The following NRXN3 variants were observed in gnomAD, a reference collection of about 807,000 sequenced individuals.
NRXN3 encodes the protein neurexin III.
NRXN3 carries 32 observed loss-of-function variants against 137.6 expected under a neutral mutation model. The ratio of observed to expected loss-of-function variants is 0.23; its 90% CI spans 0.18 to 0.31. The LOEUF is 0.31. NRXN3 is among the 10% of genes least tolerant of loss of function. The pLI, the probability that NRXN3 is intolerant of heterozygous loss-of-function variation, is 1.00. For missense variants in NRXN3, 1,574 were observed against 2,062.5 expected (o/e 0.76, Z 4.59); for synonymous variants, 798 against 784.5 (o/e 1.02, Z -0.29).
chr14:79,693,173 C>A lies in NRXN3; in HGVS notation c.3706+911C>A, dbSNP rs181959069. Among the ~76,000 whole-genome samples the A allele has an allele frequency of 1.6e-3, 237 of 151,986 alleles. 1 individual carries two copies. Among genetic ancestry groups the A allele is most frequent in the African/African-American group, 5.4e-3 (225 of 41,502 alleles). The stretch of plus-strand genomic sequence containing the variant: ...AACAGTCTCTAAGAAGATACGTATT[C>A]TTTGTTGTTGTTGTTGTTGAGCCAG... On this transcript the variant is annotated intron_variant, in intron 18 of 20. Coordinates refer to ENST00000335750, the MANE Select transcript of NRXN3 (RefSeq NM_001330195.2).
intron 15 of NRXN3, among the ~76,000 whole-genome samples, chr14:79,275,076 G>A (rs1221004855): frequency 6.6e-6 from 1 of 152,104 alleles, no homozygotes; most frequent in East Asian, 1.9e-4. Flanking sequence ...ATAAGCAGAA[G>A]GATGAATTAT....
chr14:78,233,688 C>CAAAAAAAAA (rs10673907), intron 1 of NRXN3, among the ~76,000 whole-genome samples: 3 of 117,622 alleles, frequency 2.6e-5, no homozygotes, highest in African/African-American at 6.3e-5. Context: ...AAGTATGCTT[C>CAAAAAAAAA]AAAAAAAAAA....
chr14:79,314,840 C>T (rs987055306), intron 15 of NRXN3, among the ~76,000 whole-genome samples: 1 of 149,852 alleles, frequency 6.7e-6, no homozygotes, highest in Non-Finnish European at 1.5e-5. Flanking sequence ...TCCAACAGAC[C>T]TGCAGCTGAG....
chr14:79,861,575 C>T lies in NRXN3; in HGVS notation c.4327C>T (p.Leu1443Phe). The T allele has an allele frequency of 6.2e-7, 1 of 1,601,760 alleles. No homozygotes were observed. Among genetic ancestry groups the T allele is most frequent in the Non-Finnish European group, 8.5e-7 (1 of 1,174,542 alleles). The change falls in exon 21 of 21, where the codon CTT (leucine) becomes TTT (phenylalanine). Residue 1443 changes from leucine to phenylalanine, a missense_variant. By Grantham distance (22) the Leu-to-Phe change is conservative (BLOSUM62 0). This residue lies in a region of NRXN3 where 320 missense variants were observed against 387.1 expected (regional missense o/e 0.83). Coordinates refer to ENST00000335750, the MANE Select transcript of NRXN3 (RefSeq NM_001330195.2). The surrounding 1 kb of genome is among the most constrained non-coding windows in gnomAD (Gnocchi z 5.4). Reference sequence around the variant, plus strand: ...CAAACCCCAGCCTGATATAGTCTTGCTTCCGTTGCCCACTGCCTATGAGCT... The same window carrying T: ...CAAACCCCAGCCTGATATAGTCTTGTTTCCGTTGCCCACTGCCTATGAGCT... ...DLKPQPDIVL[L>F]PLPTAYELDS...
chr14:79,026,207 T>C (rs1017273617), intron 15 of NRXN3, among the ~76,000 whole-genome samples: 1 of 152,170 alleles, frequency 6.6e-6, no homozygotes, highest in African/African-American at 2.4e-5. Flanking sequence ...ATTCATATAA[T>C]GCTCCATTCT....
rs1022862289 is a variant in NRXN3, at chr14:79,868,243, C to T, written c.*6279C>T. On this transcript the variant is annotated 3_prime_UTR_variant, in exon 21 of 21. Transcript: ENST00000335750. ...TCAAAATTAGCTGCTATATGCATGA[C>T]TAACCAGGACCAAAAAGTTAATAAA... 1 of 152,208 alleles carries T rather than the reference C, an allele frequency of 6.6e-6. No individual in the cohort carries two copies. Among genetic ancestry groups the T allele is most frequent in the Non-Finnish European group, 1.5e-5 (1 of 68,032 alleles). The allele number at this position is 152,208 out of a possible 1,614,324, so 9.4% of individuals were successfully genotyped here.
intron 19 of NRXN3, among the ~76,000 whole-genome samples, chr14:79,768,277 C>T (rs1248958492): frequency 1.3e-5 from 2 of 152,240 alleles, no homozygotes; most frequent in Non-Finnish European, 2.9e-5. Context: ...CACCACAGCT[C>T]AAGGAGGCCT....
intron 6 of NRXN3, among the ~76,000 whole-genome samples, chr14:78,693,328 C>T (rs1347713473): frequency 6.6e-6 from 1 of 151,818 alleles, no homozygotes; most frequent in African/African-American, 2.4e-5. Flanking sequence ...TGCTGTAGAC[C>T]TGGGCACTAC....
At chr14:78,222,317 G>C (rs2063934004) in intron 1 of NRXN3, among the ~76,000 whole-genome samples, 2 of 146,062 alleles carry the variant, frequency 1.4e-5, no homozygotes, top group Admixed American at 1.3e-4. Flanking sequence ...AGGAATAAAG[G>C]GCACACACAC....
intron 20 of NRXN3, among the ~76,000 whole-genome samples, chr14:79,815,278 G>A (rs2099248262): frequency 6.6e-6 from 1 of 152,208 alleles, no homozygotes; most frequent in African/African-American, 2.4e-5. Context: ...CTCTTTAAGG[G>A]TTGAGCACGA....
intron 6 of NRXN3, among the ~76,000 whole-genome samples, chr14:78,678,380 C>T (rs6574462): frequency 0.44 from 66,852 of 150,822 alleles, 17,279 homozygotes; most frequent in African/African-American, 0.72. Flanking sequence ...CTTGAACTCC[C>T]GGGCTCAAGC....
intron 4 of NRXN3, among the ~76,000 whole-genome samples, chr14:78,360,690 A>G (rs887892): frequency 0.98 from 149,345 of 152,340 alleles, 73,249 homozygotes; most frequent in Non-Finnish European, 1. Context: ...TTCAAGAAAA[A>G]TTAGCTTTTA....
chr14:79,154,007 G>A (rs757608598), intron 15 of NRXN3, among the ~76,000 whole-genome samples: 1 of 151,976 alleles, frequency 6.6e-6, no homozygotes, highest in Non-Finnish European at 1.5e-5. Flanking sequence ...TGCCCAAAGA[G>A]CGAAGAGCAT....
chr14:78,406,083 G>T (rs1166040774), intron 4 of NRXN3, among the ~76,000 whole-genome samples: 2 of 152,200 alleles, frequency 1.3e-5, no homozygotes, highest in Non-Finnish European at 2.9e-5. Context: ...ATTCAGGAAA[G>T]ACTTTTACAA....
intron 15 of NRXN3, among the ~76,000 whole-genome samples, chr14:79,386,487 G>C (rs1252463744): frequency 6.6e-6 from 1 of 152,082 alleles, no homozygotes; most frequent in Non-Finnish European, 1.5e-5. Flanking sequence ...CCATGCTCAT[G>C]GGTAGGAAGA....
chr14:79,051,950 T>C (rs1568121204), intron 15 of NRXN3, among the ~76,000 whole-genome samples: 1 of 152,344 alleles, frequency 6.6e-6, no homozygotes, highest in Non-Finnish European at 1.5e-5. Flanking sequence ...TGGTATCTTG[T>C]GCTTGGAGTG....
At chr14:79,792,590 A>G (rs1219720921) in intron 19 of NRXN3, among the ~76,000 whole-genome samples, 5 of 152,254 alleles carry the variant, frequency 3.3e-5, no homozygotes, top group African/African-American at 1.2e-4. Flanking sequence ...AAGTCCCAGC[A>G]AATGACATAT....
rs1468409384 is a variant in NRXN3 at position 79,012,650 on chromosome 14, C to G, written c.3262+24509C>G. On this transcript the variant is annotated intron_variant, in intron 15 of 20. Transcript: ENST00000335750. Reference sequence around the variant, plus strand: ...AAGGCATGCCATTCACTTCCACTTTCCAGAAGACACAGGTGTGTTTCCCCA... The same window carrying G: ...AAGGCATGCCATTCACTTCCACTTTGCAGAAGACACAGGTGTGTTTCCCCA... 2.0e-5 allele frequency among the ~76,000 whole-genome samples: 3 copies of G among 152,118 alleles called. No homozygotes were observed. In the South Asian group the frequency reaches 6.2e-4, roughly 32 times the overall value.
At chr14:78,204,648 AAAT>A (rs2062011872) in intron 1 of NRXN3, among the ~76,000 whole-genome samples, 1 of 152,204 alleles carries the variant, frequency 6.6e-6, no homozygotes, top group Non-Finnish European at 1.5e-5. Flanking sequence ...GATCTAAATT[AAAT>A]AATATGTGCA....
Sources: gnomAD v4.1 joint callset for allele counts (sites outside exome capture counted in the v4.1 genomes callset) on GRCh38, gnomAD v4.1.1 for gene constraint, gnomAD v4.1.1 regional missense constraint, Gnocchi (gnomAD v3.1) non-coding constraint, MANE v1.5 for transcripts, NCBI Gene and HGNC (gene_info 2026-07-23, HGNC 2026-07-21) for gene names.